UBL5: variants seen among roughly 807,000 people sequenced by gnomAD.
UBL5 encodes ubiquitin-like protein 5.
In UBL5, 13 loss-of-function variants were observed where a neutral mutation model predicts 11.7. That is an observed-to-expected ratio of 1.11 (90% CI 0.73 to 1.77). The LOEUF (loss-of-function observed/expected upper bound fraction) is 1.77, where lower values mean the gene tolerates loss of function less well. UBL5 is among the 40% of genes most tolerant of loss of function. The pLI is 0.00. For missense variants in UBL5, 58 were observed against 92.3 expected (o/e 0.63, Z 1.52); for synonymous variants, 28 against 34.7 (o/e 0.81, Z 0.68).
chr19:9,828,272 G>A, intron 1 of UBL5, 55 bp from the exon 2 acceptor site: 1 of 1,549,886 alleles, frequency 6.5e-7, no homozygotes, highest in Non-Finnish European at 8.9e-7. Context: ...CTGGGCCTGG[G>A]AGACGCCTGA....
At chr19:9,829,579 T>C (rs1380781868) in intron 4 of UBL5, 1 of 190,224 alleles carries the variant, frequency 5.3e-6, no homozygotes, top group Non-Finnish European at 1.1e-5. Flanking sequence ...CACTGCAGCC[T>C]CTACCTCCCA....
chr19:9,828,648 G>T lies in UBL5; in HGVS notation c.113G>T (p.Arg38Leu). Residue 38 changes from arginine to leucine, a missense_variant, in exon 3 of 5, where the codon CGT (arginine) becomes CTT (leucine). Transcript: ENST00000586895. ...CTGATTGCAGCCCAAACTGGTACCC[G>T]TTGGAACAAGATTGTCCTGAAGAAG... Reference protein sequence around the residue: ...KKLIAAQTGTRWNKIVLKKWY... With the variant: ...KKLIAAQTGTLWNKIVLKKWY... The T allele has an allele frequency of 6.2e-7, 1 of 1,614,202 alleles. No individual in the cohort carries two copies.
chr19:9,829,315 G>T, intron 4 of UBL5: 1 of 177,310 alleles, frequency 5.6e-6, no homozygotes, highest in South Asian at 1.1e-4. Context: ...CAAGTAGCTG[G>T]GATTACAGGT....
rs2046036540 is a variant in UBL5 at position 9,828,377 on chromosome 19, G to T, written c.40G>T (p.Val14Phe). 6.2e-7 allele frequency: 1 copy of T among 1,614,024 alleles called. No homozygotes were observed. The highest frequency in any genetic ancestry group is 8.5e-7 in the Non-Finnish European group (1 of 1,180,042). ...TTGCAACGACCGTCTGGGGAAGAAG[G>T]TCCGCGTTAAATGCAAGTATCCACT... is the stretch of plus-strand genomic sequence containing the variant. The part of the protein sequence containing the change: ...VVCNDRLGKK[V>F]RVKCNTDDTI... The change falls in exon 2 of 5, where the codon GTC (valine) becomes TTC (phenylalanine). Residue 14 changes from valine to phenylalanine, a missense_variant. Coordinates refer to ENST00000586895, the MANE Select transcript of UBL5 (RefSeq NM_001048241.3).
At chr19:9,828,470 C>G (rs1044499276) in intron 2 of UBL5, 77 bp downstream of exon 2, 15 of 1,608,654 alleles carry the variant, frequency 9.3e-6, no homozygotes, top group Non-Finnish European at 8.5e-7. Context: ...TCTGTGTTGT[C>G]GGATGGTTTT....
In UBL5 at chr19:9,829,994, C is replaced by T; in HGVS notation, c.208C>T (p.Leu70Phe). The change falls in exon 5 of 5, where the codon CTT (leucine) becomes TTT (phenylalanine). Residue 70 changes from leucine to phenylalanine, a missense_variant. Leu to Phe is a conservative substitution (Grantham distance 22). Transcript: ENST00000586895. Reference sequence around the variant, plus strand: ...AATCCACGATGGGATGAACCTGGAGCTTTATTATCAATAGATGAGAATCCT... The same window carrying T: ...AATCCACGATGGGATGAACCTGGAGTTTTATTATCAATAGATGAGAATCCT... ...YEIHDGMNLE[L>F]YYQ 3 of 1,614,064 alleles carry T rather than the reference C, an allele frequency of 1.9e-6. No homozygotes were observed. Among genetic ancestry groups the T allele is most frequent in the Non-Finnish European group, 2.5e-6 (3 of 1,179,952 alleles).
At chr19:9,828,759 T>A in intron 3 of UBL5, 78 bp from the exon 4 acceptor site, 1 of 1,610,352 alleles carries the variant, frequency 6.2e-7, no homozygotes, top group Non-Finnish European at 8.5e-7. Context: ...AGCCCTTTGC[T>A]TAGGCTTGGC....
rs370875576 is a variant in UBL5, at chr19:9,828,410, G to C, written c.56+17G>C. ...TAAATGCAAGTATCCACTGGCAGCCGAGAGGCAGTGGTACCCGCAGGGGTG... is the reference window on the plus strand; with the variant it reads ...TAAATGCAAGTATCCACTGGCAGCCCAGAGGCAGTGGTACCCGCAGGGGTG... On this transcript the variant is annotated intron_variant, in intron 2 of 4. Transcript: ENST00000586895. The C allele has an allele frequency of 6.2e-7, 1 of 1,613,896 alleles. No individual in the cohort carries two copies. The highest frequency in any genetic ancestry group is 8.5e-7 in the Non-Finnish European group (1 of 1,179,950).
At position 9,830,040 on chromosome 19, in the gene UBL5, C is replaced by T; in HGVS notation, c.*32C>T. The T allele has an allele frequency of 6.2e-7, 1 of 1,613,144 alleles. No individual in the cohort carries two copies. Among genetic ancestry groups the T allele is most frequent in the African/African-American group, 1.3e-5 (1 of 75,050 alleles). On this transcript the variant is annotated 3_prime_UTR_variant, in exon 5 of 5. Transcript: ENST00000586895. ...ATCCTCATCTTCCTGCCCCGCTTTC[C>T]TCTCCCATCCTCATCCCCCACACTG...
At position 9,828,390 on chromosome 19, in the gene UBL5, G is replaced by C; in HGVS notation, c.53G>C (p.Cys18Ser). 2 of 1,555,386 alleles carry C rather than the reference G, an allele frequency of 1.3e-6. No homozygotes were observed. Among genetic ancestry groups the C allele is most frequent in the Non-Finnish European group, 1.7e-6 (2 of 1,142,906 alleles). The change falls in exon 2 of 5, where the codon TGC becomes TCC. Residue 18 changes from cysteine (C) to serine (S), a missense_variant. Physicochemically the swap from Cys to Ser is moderately radical, Grantham distance 112. Coordinates refer to ENST00000586895, the MANE Select transcript of UBL5 (RefSeq NM_001048241.3). ...DRLGKKVRVKCNTDDTIGDLK... is the reference protein window; with the variant it reads ...DRLGKKVRVKSNTDDTIGDLK... ...CTGGGGAAGAAGGTCCGCGTTAAAT[G>C]CAAGTATCCACTGGCAGCCGAGAGG...
At chr19:9,828,735 G>A in intron 3 of UBL5, 60 bp downstream of exon 3, 16 of 1,612,252 alleles carry the variant, frequency 9.9e-6, no homozygotes, top group Non-Finnish European at 1.3e-5. Flanking sequence ...TTTGGTTGGG[G>A]GAGCGCTGCA....
chr19:9,828,444 G>A (rs2046037056), intron 2 of UBL5, 51 bp downstream of exon 2: 1 of 1,610,942 alleles, frequency 6.2e-7, no homozygotes, highest in Non-Finnish European at 8.5e-7. Context: ...TGCTTGGCGT[G>A]AGGCAGGCAA....
chr19:9,830,058 C>T lies in UBL5; in HGVS notation c.*50C>T, dbSNP rs375668073. Reference sequence around the variant, plus strand: ...CGCTTTCCTCTCCCATCCTCATCCCCCACACTGGGATAGATGCTTGTTTGT... The same window carrying T: ...CGCTTTCCTCTCCCATCCTCATCCCTCACACTGGGATAGATGCTTGTTTGT... On this transcript the variant is annotated 3_prime_UTR_variant, in exon 5 of 5. Transcript: ENST00000586895. The T allele has an allele frequency of 6.2e-6, 10 of 1,605,328 alleles. No homozygotes were observed. The African/African-American group carries it at 1.3e-4, about 21-fold the overall frequency.
intron 4 of UBL5, chr19:9,829,551 A>G (rs1010343694): frequency 6.2e-6 from 1 of 162,496 alleles, no homozygotes; most frequent in Non-Finnish European, 1.3e-5. Flanking sequence ...GCTGGAGTGC[A>G]GTGGTACAAT....
At chr19:9,828,160 G>C (rs2046034922) in intron 1 of UBL5, 167 bp from the exon 2 acceptor site, 1 of 659,658 alleles carries the variant, frequency 1.5e-6, no homozygotes, top group Middle Eastern at 2.9e-4. Flanking sequence ...AGGGGACTTG[G>C]GGCCTGGGAG....
At chr19:9,828,416 C>A in intron 2 of UBL5, 23 bp downstream of exon 2, 2 of 1,613,976 alleles carry the variant, frequency 1.2e-6, no homozygotes, top group Non-Finnish European at 1.7e-6. Context: ...AGCCGAGAGG[C>A]AGTGGTACCC....
chr19:9,828,811 A>C, intron 3 of UBL5, 26 bp from the exon 4 acceptor site: 3 of 1,613,910 alleles, frequency 1.9e-6, no homozygotes, highest in Non-Finnish European at 2.5e-6. Context: ...CCTTAGCCTT[A>C]TCTCTGAAAT....
intron 4 of UBL5, chr19:9,829,756 C>G (rs2046045605): frequency 1.8e-6 from 1 of 550,670 alleles, no homozygotes; most frequent in African/African-American, 1.9e-5. Context: ...TTCGTCCTCT[C>G]AAAGTGCTGG....
Position 9,828,664 on chromosome 19 carries a change from C to T in UBL5, c.129C>T (p.Val43=), listed in dbSNP as rs1365740036. The change falls in exon 3 of 5, where the codon GTC becomes GTT. Residue 43 remains valine (V), a synonymous_variant. Transcript: ENST00000586895. ...CTGGTACCCGTTGGAACAAGATTGT[C>T]CTGAAGAAGTGGTGAGTGCAGCGGT... ...AQTGTRWNKI[V]LKKWYTIFKD... is the part of the protein sequence containing the mutation. The T allele has an allele frequency of 3.3e-5, 54 of 1,614,196 alleles. No individual in the cohort carries two copies. The highest frequency in any genetic ancestry group is 4.3e-5 in the Non-Finnish European group (51 of 1,180,046).
Sources: allele counts gnomAD v4.1 joint callset, GRCh38; gene constraint gnomAD v4.1.1; transcripts MANE v1.5; gene names NCBI Gene and HGNC (gene_info 2026-07-23, HGNC 2026-07-21).